Variants in GMDS observed in about 807,000 individuals in gnomAD.
The protein encoded by GMDS is GDP-mannose 4,6-dehydratase.
In GMDS, 20 loss-of-function variants were observed where a neutral mutation model predicts 49.9. That is an observed-to-expected ratio of 0.40 (90% CI 0.28 to 0.58). The LOEUF is 0.58. Among genes scored for constraint, GMDS ranks in the 20% least tolerant of loss-of-function variants. The probability of loss-of-function intolerance (pLI) is 0.42; values close to 1 mark genes in which losing one functional copy is unlikely to be tolerated. For synonymous variants in GMDS, 177 were observed against 178.6 expected (o/e 0.99, Z 0.07); for missense variants, 362 against 481.4 (o/e 0.75, Z 2.32).
intron 1 of GMDS, among the ~76,000 whole-genome samples, chr6:2,207,200 C>T (rs957958276): frequency 1.5e-4 from 23 of 152,090 alleles, no homozygotes; most frequent in Admixed American, 3.3e-4. Flanking sequence ...CTGGCTTCTA[C>T]CCTCAAGTTT....
At chr6:2,220,001 A>G (rs1780511908) in intron 1 of GMDS, among the ~76,000 whole-genome samples, 1 of 152,238 alleles carries the variant, frequency 6.6e-6, no homozygotes, top group Non-Finnish European at 1.5e-5. Context: ...ACACTGCAGA[A>G]AAAGTGCCCA....
chr6:1,865,217 T>C (rs992854162), intron 7 of GMDS, among the ~76,000 whole-genome samples: 7 of 152,240 alleles, frequency 4.6e-5, no homozygotes, highest in Non-Finnish European at 1.0e-4. Context: ...CTCTTCATTT[T>C]GTCCTTAATT....
In GMDS at chr6:1,819,776, A is replaced by AAAT. The variant is rs1446275838; in HGVS notation, c.772-77191_772-77190insATT. On this transcript the variant is annotated intron_variant, in intron 7 of 10. Transcript: ENST00000380815. ...ACTCTGCCTCAAAAAAAAAAAAAAAAATATATATATATATATATATATCTA... is the reference window on the plus strand; with the variant it reads ...ACTCTGCCTCAAAAAAAAAAAAAAAAAATATATATATATATATATATATATCTA... Among the ~76,000 whole-genome samples, 385 of 103,466 alleles carry AAAT rather than the reference A, an allele frequency of 3.7e-3. 2 individuals carry two copies. The highest frequency in any genetic ancestry group is 0.02 in the South Asian group (56 of 2,836). 67.9% of individuals were successfully genotyped at this position (103,466 alleles called of 152,430 possible).
intron 4 of GMDS, among the ~76,000 whole-genome samples, chr6:1,962,418 T>C (rs1764004977): frequency 6.6e-6 from 1 of 152,242 alleles, no homozygotes; most frequent in East Asian, 1.9e-4. Flanking sequence ...TACCTAGGAA[T>C]GTAGTTGCTG....
chr6:1,892,286 T>C (rs1234318077), intron 7 of GMDS, among the ~76,000 whole-genome samples: 1 of 152,206 alleles, frequency 6.6e-6, no homozygotes, highest in Non-Finnish European at 1.5e-5. Flanking sequence ...CTTGGGAATC[T>C]GGAATCTGCC....
At chr6:1,634,366 A>C (rs2569859) in intron 9 of GMDS, among the ~76,000 whole-genome samples, 92,717 of 152,114 alleles carry the variant, frequency 0.61, 29,163 homozygotes, top group East Asian at 0.8. Context: ...CTCCTGCCTG[A>C]AGTGAAGCTG....
At chr6:2,200,322 G>C (rs1437319254) in intron 1 of GMDS, among the ~76,000 whole-genome samples, 4 of 152,036 alleles carry the variant, frequency 2.6e-5, no homozygotes, top group Non-Finnish European at 5.9e-5. Context: ...GATGAAGACA[G>C]AACACCACAT....
At chr6:1,649,472 T>C (rs1763585520) in intron 9 of GMDS, among the ~76,000 whole-genome samples, 1 of 152,210 alleles carries the variant, frequency 6.6e-6, no homozygotes, top group Admixed American at 6.5e-5. Flanking sequence ...ATCCAGCCTA[T>C]TTCAGGACAC....
intron 4 of GMDS, among the ~76,000 whole-genome samples, chr6:2,054,865 T>C (rs1770690360): frequency 6.6e-6 from 1 of 151,942 alleles, no homozygotes; most frequent in Non-Finnish European, 1.5e-5. Flanking sequence ...CAATGAAGAC[T>C]GACCCCTGAC....
rs574723799 is a variant in GMDS at position 1,973,462 on chromosome 6, T to C, written c.346-12496A>G. Among the ~76,000 whole-genome samples, 3 of 152,310 alleles carry C rather than the reference T, an allele frequency of 2.0e-5. No homozygotes were observed. The South Asian group carries it at 6.2e-4, about 32-fold the overall frequency. On this transcript the variant is annotated intron_variant, in intron 4 of 10. Coordinates refer to ENST00000380815, the MANE Select transcript of GMDS (RefSeq NM_001500.4). ...TGAGGGGTATTTAGCCAATGGCCTG[T>C]ACCCCTGGGGATTAAAAATCAGGGG... is the stretch of plus-strand genomic sequence containing the variant.
intron 4 of GMDS, among the ~76,000 whole-genome samples, chr6:1,985,455 C>T (rs1765489427): frequency 6.6e-6 from 1 of 151,898 alleles, no homozygotes. Context: ...CTGAAGAGAA[C>T]ATTTACTACA....
chr6:1,999,335 A>C (rs1305317626), intron 4 of GMDS, among the ~76,000 whole-genome samples: 2 of 151,990 alleles, frequency 1.3e-5, no homozygotes, highest in East Asian at 1.9e-4. Flanking sequence ...AAAAAAAAAA[A>C]AAAAACTGCA....
At chr6:2,236,693 T>C (rs143724720) in intron 1 of GMDS, among the ~76,000 whole-genome samples, 3 of 152,344 alleles carry the variant, frequency 2.0e-5, no homozygotes, top group African/African-American at 7.2e-5. Context: ...TGAAAAGTGA[T>C]AGAAATACAG....
intron 7 of GMDS, among the ~76,000 whole-genome samples, chr6:1,909,286 TAA>T (rs1470159340): frequency 2.0e-5 from 3 of 152,118 alleles, no homozygotes; most frequent in African/African-American, 7.2e-5. Context: ...GGCACTTGAG[TAA>T]AGTTTTTTCA....
At chr6:1,685,245 A>G (rs2113320063) in intron 9 of GMDS, among the ~76,000 whole-genome samples, 1 of 152,200 alleles carries the variant, frequency 6.6e-6, no homozygotes, top group East Asian at 1.9e-4. Flanking sequence ...TATAAACAGC[A>G]AAAAAATTAG....
At chr6:2,179,300 C>G (rs1216531284) in intron 1 of GMDS, among the ~76,000 whole-genome samples, 13 of 151,294 alleles carry the variant, frequency 8.6e-5, no homozygotes, top group Non-Finnish European at 1.8e-4. Flanking sequence ...AAAGGTTATG[C>G]CAAAAAAAAA....
chr6:1,868,335 C>T lies in GMDS; in HGVS notation c.771+61768G>A, dbSNP rs977083523. ...TTACCCACTATGTTTCTTCACCAGTCTATTCTAAGTGTCTAATCAGGTAAC... is the reference window on the plus strand; with the variant it reads ...TTACCCACTATGTTTCTTCACCAGTTTATTCTAAGTGTCTAATCAGGTAAC... On this transcript the variant is annotated intron_variant, in intron 7 of 10. Coordinates refer to ENST00000380815, the MANE Select transcript of GMDS (RefSeq NM_001500.4). Among the ~76,000 whole-genome samples the T allele has an allele frequency of 2.0e-5, 3 of 152,266 alleles. No individual in the cohort carries two copies. In the East Asian group the frequency reaches 5.8e-4, roughly 29 times the overall value.
chr6:1,627,478 G>A (rs970755012), intron 9 of GMDS, among the ~76,000 whole-genome samples: 1 of 152,200 alleles, frequency 6.6e-6, no homozygotes, highest in African/African-American at 2.4e-5. Context: ...GAACTGTGAG[G>A]AGTGAGAGGG....
chr6:2,117,505 G>A lies in GMDS; in HGVS notation c.199C>T (p.His67Tyr). 1 of 1,607,676 alleles carries A rather than the reference G, an allele frequency of 6.2e-7. No homozygotes were observed. Among genetic ancestry groups the A allele is most frequent in the Non-Finnish European group, 8.5e-7 (1 of 1,174,162 alleles). Reference sequence around the variant, plus strand: ...TGAGCCTGGGGATTCTTATACAGATGCTCAATTCGACCCGTATTAAATGAA... The same window carrying A: ...TGAGCCTGGGGATTCTTATACAGATACTCAATTCGACCCGTATTAAATGAA... ...SSSFNTGRIE[H>Y]LYKNPQAHIE... is the part of the protein sequence containing the mutation. Residue 67 changes from histidine (H) to tyrosine (Y), a missense_variant, in exon 3 of 11, where the codon CAT becomes TAT. Physicochemically the swap from His to Tyr is moderately conservative, Grantham distance 83. Coordinates refer to ENST00000380815, the MANE Select transcript of GMDS (RefSeq NM_001500.4).
Sources: allele counts gnomAD v4.1 joint callset (sites outside exome capture counted in the v4.1 genomes callset), GRCh38; gene constraint gnomAD v4.1.1; transcripts MANE v1.5; gene names NCBI Gene and HGNC (gene_info 2026-07-23, HGNC 2026-07-21).